The following DOT1L variants were observed in gnomAD, a reference collection of about 807,000 sequenced individuals.
The protein encoded by DOT1L is histone-lysine N-methyltransferase, H3 lysine-79 specific.
Under a neutral mutation model 153.3 loss-of-function variants are expected in DOT1L, and 33 were observed. That is an observed-to-expected ratio of 0.22 (90% confidence interval 0.16 to 0.29). The LOEUF (loss-of-function observed/expected upper bound fraction) is 0.29, where lower values mean the gene tolerates loss of function less well. Ranked by LOEUF, DOT1L falls within the 10% of genes least tolerant of loss-of-function variation. The pLI is 1.00. For synonymous variants in DOT1L, 1,135 were observed against 965.1 expected (o/e 1.18, Z -3.26); for missense variants, 1,847 against 2,119.9 (o/e 0.87, Z 2.53).
intron 27 of DOT1L, chr19:2,228,966 G>A: frequency 1.0e-6 from 1 of 985,436 alleles, no homozygotes; most frequent in Non-Finnish European, 1.2e-6. Context: ...GTTCCCGGCG[G>A]GGTCGAGAGG....
At chr19:2,181,917 G>A (rs1380914420) in intron 2 of DOT1L, among the ~76,000 whole-genome samples, 2 of 152,166 alleles carry the variant, frequency 1.3e-5, no homozygotes, top group Admixed American at 6.5e-5. Flanking sequence ...ACAGAGGGCC[G>A]GGCAGTCTTT....
chr19:2,228,826 T>A (rs977218664), intron 27 of DOT1L: 4 of 985,236 alleles, frequency 4.1e-6, no homozygotes, highest in Non-Finnish European at 4.8e-6. Context: ...CGGTGCCGGC[T>A]GCAGAGGTCC....
intron 25 of DOT1L, 32 bp downstream of exon 25, chr19:2,223,518 C>T: frequency 8.3e-7 from 1 of 1,200,724 alleles, no homozygotes; most frequent in Non-Finnish European, 1.1e-6. Flanking sequence ...GGGGCGGGGC[C>T]TGGCAGCAGG....
intron 1 of DOT1L, among the ~76,000 whole-genome samples, chr19:2,165,769 A>ATT (rs34978235): frequency 3.6e-5 from 5 of 139,586 alleles, no homozygotes; most frequent in Admixed American, 7.1e-5. Flanking sequence ...ATGGCTTCAC[A>ATT]TTTTTTTTTT....
intron 3 of DOT1L, 121 bp downstream of exon 3, chr19:2,186,050 T>G: frequency 1.0e-6 from 1 of 984,656 alleles, no homozygotes; most frequent in Non-Finnish European, 1.6e-6. Context: ...GAAATTTCCT[T>G]TTAGAGTTGG....
At chr19:2,201,409 G>A (rs1222022218) in intron 8 of DOT1L, among the ~76,000 whole-genome samples, 1 of 151,958 alleles carries the variant, frequency 6.6e-6, no homozygotes, top group South Asian at 2.1e-4. Context: ...CGTCCTCCCC[G>A]CACCCTCGCT....
chr19:2,164,400 C>A, intron 1 of DOT1L, 135 bp downstream of exon 1: 1 of 532,268 alleles, frequency 1.9e-6, no homozygotes, highest in Non-Finnish European at 2.8e-6. Flanking sequence ...ACTGTCGCTG[C>A]TCCACCCCCG....
chr19:2,228,654 T>C (rs2024472693), intron 27 of DOT1L: 35 of 985,254 alleles, frequency 3.6e-5, no homozygotes, highest in Non-Finnish European at 4.2e-5. Context: ...GGGGCAGCTG[T>C]GCCAGCCCCT....
chr19:2,181,063 G>A (rs535506435), intron 2 of DOT1L, among the ~76,000 whole-genome samples: 4 of 152,278 alleles, frequency 2.6e-5, no homozygotes, highest in South Asian at 4.1e-4. Flanking sequence ...TCACCCTCAC[G>A]CGCCCTCGAC....
At chr19:2,164,674 C>T (rs573155085) in intron 1 of DOT1L, among the ~76,000 whole-genome samples, 19 of 151,440 alleles carry the variant, frequency 1.3e-4, no homozygotes, top group African/African-American at 4.6e-4. Flanking sequence ...CCTGTCTCCT[C>T]TTCTCTTCTT....
intron 23 of DOT1L, chr19:2,221,263 CGGTT>C (rs916478039): frequency 6.5e-6 from 1 of 152,916 alleles, no homozygotes; most frequent in African/African-American, 2.4e-5. Context: ...GCAGGCTTCA[CGGTT>C]GGCCACGTGA....
chr19:2,224,536 C>T (rs192637109), intron 25 of DOT1L, among the ~76,000 whole-genome samples: 65 of 150,166 alleles, frequency 4.3e-4, no homozygotes, highest in Non-Finnish European at 7.4e-4. Flanking sequence ...GGCGCGATCT[C>T]GGCTCACTGA....
rs552688015 is a variant in DOT1L, at chr19:2,190,087, G to A, written c.264+292G>A. ...CCTCTGCAGCCCTGGGTTGGTGTCC[G>A]CAGGTCCCAGCAGAGGCGGGGTCCC... is the stretch of plus-strand genomic sequence containing the variant. On this transcript the variant is annotated intron_variant, in intron 4 of 27. Transcript: ENST00000398665. This position sits in a 1 kb window ranked among gnomAD's most constrained non-coding sequence, Gnocchi z 4.8. Among the ~76,000 whole-genome samples the A allele has an allele frequency of 3.9e-5, 6 of 152,274 alleles. No homozygotes were observed. Among genetic ancestry groups the A allele is most frequent in the East Asian group, 3.9e-4 (2 of 5,182 alleles).
At position 2,231,037 on chromosome 19, in the gene DOT1L, C is replaced by T. The variant is rs1599637426; in HGVS notation, c.*1245C>T. 8.5e-6 allele frequency: 2 copies of T among 236,334 alleles called. No individual in the cohort carries two copies. Among genetic ancestry groups the T allele is most frequent in the East Asian group, 6.0e-5 (1 of 16,588 alleles). 14.6% of individuals were successfully genotyped at this position (236,334 alleles called of 1,614,324 possible). ...CCCACTCTGCAGCCTTGGCGGGTGCCTGGGACTGGGTGTGGAAGGAGAGGA... is the reference window on the plus strand; with the variant it reads ...CCCACTCTGCAGCCTTGGCGGGTGCTTGGGACTGGGTGTGGAAGGAGAGGA... On this transcript the variant is annotated 3_prime_UTR_variant, in exon 28 of 28. Transcript: ENST00000398665.
Position 2,176,560 on chromosome 19 carries a change from C to T in DOT1L, c.82-4153C>T, listed in dbSNP as rs568635681. ...AATCAGAGCATTTCCAGCCCTCACA[C>T]CTGTGAGTCATCTGGCTCCCAGGAA... On this transcript the variant is annotated intron_variant, in intron 1 of 27. Coordinates refer to ENST00000398665, the MANE Select transcript of DOT1L (RefSeq NM_032482.3). Among the ~76,000 whole-genome samples the T allele has an allele frequency of 4.6e-5, 7 of 152,356 alleles. No individual in the cohort carries two copies. In the South Asian group the frequency reaches 1.4e-3, roughly 32 times the overall value.
rs891170263 is a variant in DOT1L at position 2,191,378 on chromosome 19, C to G, written c.493+138C>G. ...ACAGTGCTTCCTTCTCCCAGCGCCT[C>G]TGTCCCGCTGTGGGGCCGTTCCTTT... On this transcript the variant is annotated intron_variant, in intron 5 of 27. Coordinates refer to ENST00000398665, the MANE Select transcript of DOT1L (RefSeq NM_032482.3). This position sits in a 1 kb window ranked among gnomAD's most constrained non-coding sequence, Gnocchi z 6.8. 6.9e-6 allele frequency: 6 copies of G among 871,650 alleles called. No homozygotes were observed. The highest frequency in any genetic ancestry group is 1.1e-5 in the Non-Finnish European group (6 of 558,560). The allele number at this position is 871,650 out of a possible 1,614,324, so 54.0% of individuals were successfully genotyped here. A position where few individuals can be genotyped will look rare whatever the true frequency, so the allele number is the denominator to read the frequency against.
At chr19:2,224,097 TCTCA>T (rs749040827) in intron 25 of DOT1L, among the ~76,000 whole-genome samples, 20 of 152,192 alleles carry the variant, frequency 1.3e-4, no homozygotes, top group Admixed American at 7.8e-4. Context: ...GTCTGGCATC[TCTCA>T]CTGAGCGTGA....
rs138798623 is a variant in DOT1L, at chr19:2,223,610, G to C, written c.3596+124G>C. ...AGGCTCTTAGGGGGTGCCCTGGATG[G>C]GAGGAAGGCGTCTGTTTTGTGAGGG... On this transcript the variant is annotated intron_variant, in intron 25 of 27. Transcript: ENST00000398665. 9.0e-4 allele frequency: 1,006 copies of C among 1,113,400 alleles called. 9 individuals are homozygous for C. The African/African-American group carries it at 0.013, about 14-fold the overall frequency. 69.0% of individuals were successfully genotyped at this position (1,113,400 alleles called of 1,614,324 possible). A position where few individuals can be genotyped will look rare whatever the true frequency, so the allele number is the denominator to read the frequency against.
Position 2,164,211 on chromosome 19 carries a change from G to A in DOT1L, c.27G>A (p.Leu9=), listed in dbSNP as rs1241311961. 1.6e-6 allele frequency: 2 copies of A among 1,281,606 alleles called. No homozygotes were observed. Among genetic ancestry groups the A allele is most frequent in the African/African-American group, 1.5e-5 (1 of 65,120 alleles). 79.4% of individuals were successfully genotyped at this position (1,281,606 alleles called of 1,614,324 possible). Residue 9 remains leucine, a synonymous_variant, in exon 1 of 28, where the codon CTG becomes CTA. Coordinates refer to ENST00000398665, the MANE Select transcript of DOT1L (RefSeq NM_032482.3). MGEKLELR[L]KSPVGAEPAV... is the part of the protein sequence containing the mutation. The stretch of plus-strand genomic sequence containing the variant: ...TGGGGGAGAAGCTGGAGCTGAGACT[G>A]AAGTCGCCCGTGGGGGCTGAGCCCG...
Sources: gnomAD v4.1 joint callset for allele counts (sites outside exome capture counted in the v4.1 genomes callset) on GRCh38, gnomAD v4.1.1 for gene constraint, Gnocchi (gnomAD v3.1) non-coding constraint, MANE v1.5 for transcripts, NCBI Gene and HGNC (gene_info 2026-07-23, HGNC 2026-07-21) for gene names.